The following NTM variants were observed in gnomAD, a reference collection of about 807,000 sequenced individuals.
NTM encodes the protein IgLON family member 2.
Under a neutral mutation model 42.1 loss-of-function variants are expected in NTM, and 13 were observed. The ratio of observed to expected loss-of-function variants is 0.31; its 90% CI spans 0.20 to 0.49. NTM has a LOEUF of 0.49. NTM is among the 20% of genes least tolerant of loss of function. The pLI is 0.99. For synonymous variants in NTM, 187 were observed against 179.2 expected (o/e 1.04, Z -0.35); for missense variants, 373 against 452.8 (o/e 0.82, Z 1.60).
chr11:131,946,630 A>G (rs1025702814), intron 2 of NTM, among the ~76,000 whole-genome samples: 12 of 152,204 alleles, frequency 7.9e-5, no homozygotes, highest in Non-Finnish European at 1.5e-4. Context: ...TGGATTTTAC[A>G]TTCATCTCTA....
intron 1 of NTM, among the ~76,000 whole-genome samples, chr11:131,529,324 C>A (rs920539707): frequency 6.6e-6 from 1 of 151,960 alleles, no homozygotes; most frequent in Non-Finnish European, 1.5e-5. Flanking sequence ...GATAAAATTT[C>A]TCTGAGTGAG....
chr11:131,410,979 C>T (rs1189430094), intron 1 of NTM, among the ~76,000 whole-genome samples: 2 of 152,166 alleles, frequency 1.3e-5, no homozygotes, highest in African/African-American at 4.8e-5. Flanking sequence ...GCTTTTGAGC[C>T]CTGAGTTCTA....
At position 131,957,702 on chromosome 11, in the gene NTM, CT is replaced by C. The variant is rs1429659282; in HGVS notation, c.167+46055del. Reference sequence around the variant, plus strand: ...ATGTCCACTGTTTTTATATCTCCCCCTCCTACCCTAGAAAATTTCAGAATAG... The same window carrying C: ...ATGTCCACTGTTTTTATATCTCCCCCCCTACCCTAGAAAATTTCAGAATAG... On this transcript the variant is annotated intron_variant, in intron 2 of 8. Transcript: ENST00000683400. Among the ~76,000 whole-genome samples, 8 of 152,316 alleles carry C rather than the reference CT, an allele frequency of 5.3e-5. No homozygotes were observed. The East Asian group carries it at 1.4e-3, about 26-fold the overall frequency.
chr11:131,673,516 C>G (rs937772128), intron 1 of NTM, among the ~76,000 whole-genome samples: 1 of 152,216 alleles, frequency 6.6e-6, no homozygotes, highest in African/African-American at 2.4e-5. Context: ...TCTTCATCAT[C>G]TGGGTCACCT....
At chr11:131,691,381 C>G (rs1323988597) in intron 1 of NTM, among the ~76,000 whole-genome samples, 1 of 152,216 alleles carries the variant, frequency 6.6e-6, no homozygotes, top group Non-Finnish European at 1.5e-5. Flanking sequence ...GGCGGCCGCT[C>G]CTTTTCCGCC....
chr11:131,912,430 G>T (rs999447358), intron 2 of NTM, among the ~76,000 whole-genome samples: 20 of 152,164 alleles, frequency 1.3e-4, no homozygotes, highest in African/African-American at 4.1e-4. Context: ...AGAAGAAGAA[G>T]AATCTTGGTT....
chr11:131,393,573 C>T (rs1334686752), intron 1 of NTM, among the ~76,000 whole-genome samples: 2 of 152,322 alleles, frequency 1.3e-5, no homozygotes, highest in Admixed American at 6.5e-5. Context: ...TGCTTCTTTC[C>T]TGGCCCCGTG....
chr11:131,510,585 A>T (rs1234917542), intron 1 of NTM, among the ~76,000 whole-genome samples: 1 of 152,212 alleles, frequency 6.6e-6, no homozygotes, highest in Non-Finnish European at 1.5e-5. Context: ...TTAATTTTTT[A>T]AAAATTCTAA....
intron 1 of NTM, among the ~76,000 whole-genome samples, chr11:131,616,824 G>GT (rs1336246283): frequency 2.0e-5 from 3 of 147,410 alleles, no homozygotes; most frequent in Non-Finnish European, 4.4e-5. Flanking sequence ...GTTTGGTTTG[G>GT]TTTTCCTACA....
intron 2 of NTM, among the ~76,000 whole-genome samples, chr11:131,973,261 A>ATT (rs1371705195): frequency 5.9e-5 from 9 of 152,314 alleles, no homozygotes; most frequent in African/African-American, 1.9e-4. Context: ...TAGGATACAG[A>ATT]GGGGGAAGTT....
intron 4 of NTM, among the ~76,000 whole-genome samples, chr11:132,268,668 CTCTGTG>C (rs1382114178): frequency 3.2e-4 from 45 of 138,700 alleles, no homozygotes; most frequent in African/African-American, 9.6e-4. Context: ...CTCTCTCTCT[CTCTGTG>C]TGTGTGTGTG....
intron 1 of NTM, among the ~76,000 whole-genome samples, chr11:131,633,788 T>TCTCTCTCTCTCTCA (rs141539738): frequency 9.1e-5 from 5 of 55,084 alleles, no homozygotes; most frequent in Admixed American, 2.3e-4. Flanking sequence ...TCTCTCTCTC[T>TCTCTCTCTCTCTCA]CACACACACA....
intron 3 of NTM, among the ~76,000 whole-genome samples, chr11:132,162,508 AGT>A (rs1213437794): frequency 1.5e-5 from 1 of 64,724 alleles, no homozygotes; most frequent in Admixed American, 2.1e-4. Context: ...TGGATGTGTG[AGT>A]GTGTGTGTTT....
chr11:132,062,960 G>A (rs1244953581), intron 2 of NTM, among the ~76,000 whole-genome samples: 4 of 152,190 alleles, frequency 2.6e-5, no homozygotes, highest in Non-Finnish European at 5.9e-5. Flanking sequence ...TGGGAGAAAG[G>A]TCAGTGTTTT....
At chr11:132,151,263 T>G (rs1400729213) in intron 3 of NTM, among the ~76,000 whole-genome samples, 1 of 152,194 alleles carries the variant, frequency 6.6e-6, no homozygotes, top group Non-Finnish European at 1.5e-5. Flanking sequence ...TCAGTGGGAA[T>G]GAATTGTTTG....
At position 131,874,030 on chromosome 11, in the gene NTM, A is replaced by ATATATATATATATATAT. The variant is rs1555162935; in HGVS notation, c.83-37534_83-37533insTATATATATATATATAT. The stretch of plus-strand genomic sequence containing the variant: ...ATAATATATTTATATAATATAATAT[A>ATATATATATATATATAT]ATATATATATATATATATATATATA... On this transcript the variant is annotated intron_variant, in intron 1 of 8. Transcript: ENST00000683400. Among the ~76,000 whole-genome samples the ATATATATATATATATAT allele has an allele frequency of 3.5e-3, 266 of 76,600 alleles. 14 individuals are homozygous for ATATATATATATATATAT. Among genetic ancestry groups the ATATATATATATATATAT allele is most frequent in the Non-Finnish European group, 5.7e-3 (195 of 34,134 alleles). The allele number at this position is 76,600 out of a possible 152,430, so 50.3% of individuals were successfully genotyped here.
intron 3 of NTM, among the ~76,000 whole-genome samples, chr11:132,176,875 C>A (rs1017075923): frequency 1.3e-5 from 2 of 151,706 alleles, no homozygotes; most frequent in Non-Finnish European, 2.9e-5. Context: ...ATTACAGGGG[C>A]CCACCACCAC....
In NTM at chr11:132,138,563, AATCTATCTATCTATCTATCTATCTATCT is replaced by A. The variant is rs6144568; in HGVS notation, c.168-7688_168-7661del. 2.5e-3 allele frequency among the ~76,000 whole-genome samples: 324 copies of A among 127,170 alleles called. 1 individual carries two copies. Among genetic ancestry groups the A allele is most frequent in the African/African-American group, 8.9e-3 (306 of 34,386 alleles). 83.4% of individuals were successfully genotyped at this position (127,170 alleles called of 152,430 possible). ...TAGTCTGGGTTTTCCTTTTCAACAGAATCTATCTATCTATCTATCTATCTATCTATCTATCTATCTATCTATCTATCTA... is the reference window on the plus strand; with the variant it reads ...TAGTCTGGGTTTTCCTTTTCAACAGAATCTATCTATCTATCTATCTATCTA... On this transcript the variant is annotated intron_variant, in intron 2 of 8. Coordinates refer to ENST00000683400, the MANE Select transcript of NTM (RefSeq NM_001352005.2).
intron 1 of NTM, among the ~76,000 whole-genome samples, chr11:131,865,216 G>A (rs538660450): frequency 2.0e-5 from 3 of 152,214 alleles, no homozygotes; most frequent in Non-Finnish European, 2.9e-5. Context: ...CTGATCACAT[G>A]GCTGACAAAT....
Sources: gnomAD v4.1 joint callset for allele counts (sites outside exome capture counted in the v4.1 genomes callset) on GRCh38, gnomAD v4.1.1 for gene constraint, MANE v1.5 for transcripts, NCBI Gene and HGNC (gene_info 2026-07-23, HGNC 2026-07-21) for gene names.